Variants in STYXL2 observed in about 807,000 individuals in gnomAD.
STYXL2 encodes the protein serine/threonine/tyrosine interacting like 2, also known as serine/threonine/tyrosine-interacting-like protein 2.
A neutral mutation model predicts 52.4 loss-of-function variants in STYXL2; 44 were observed. That is an observed-to-expected ratio of 0.84 (90% CI 0.66 to 1.08). The LOEUF (loss-of-function observed/expected upper bound fraction) is 1.08, where lower values mean the gene tolerates loss of function less well. Ranked by LOEUF, STYXL2 falls within the 50% of genes least tolerant of loss-of-function variation. The pLI, the probability that STYXL2 is intolerant of heterozygous loss-of-function variation, is 0.00. For missense variants in STYXL2, 1,604 were observed against 1,471.7 expected (o/e 1.09, Z -1.47); for synonymous variants, 604 against 586.9 (o/e 1.03, Z -0.42).
chr1:167,094,940 C>T lies in STYXL2; in HGVS notation c.91C>T (p.Arg31Ter), dbSNP rs377245710. ...GAGGGCGGTGCAGGCCCACTACCTC[C>T]GAAGCCCCTCCCCTAGCCAGTAAGT... ...NVRAVQAHYL[R>*]SPSPSQYSMV... The change falls in exon 2 of 6, where the codon CGA (arginine) becomes TGA (stop). Residue 31 changes from arginine to a stop codon, truncating the protein, a stop_gained. Transcript: ENST00000361200. LOFTEE classifies it high-confidence loss of function. The T allele has an allele frequency of 1.2e-5, 20 of 1,606,336 alleles. No homozygotes were observed. The East Asian group carries it at 2.0e-4, about 16-fold the overall frequency.
At chr1:167,106,035 A>T (rs1667501981) in intron 2 of STYXL2, among the ~76,000 whole-genome samples, 1 of 152,226 alleles carries the variant, frequency 6.6e-6, no homozygotes. Context: ...TTAGAAGGAA[A>T]GATGTTTCAC....
chr1:167,113,870 C>T (rs1423171987), intron 3 of STYXL2, 66 bp downstream of exon 3: 9 of 1,262,790 alleles, frequency 7.1e-6, no homozygotes, highest in Admixed American at 1.7e-5. Context: ...TAGAGGGGGG[C>T]CATTGGAAGA....
At chr1:167,118,550 C>T (rs1487087512) in intron 4 of STYXL2, among the ~76,000 whole-genome samples, 4 of 152,260 alleles carry the variant, frequency 2.6e-5, no homozygotes, top group Middle Eastern at 3.4e-3. Flanking sequence ...ATTCATCTTA[C>T]GGTCACTAAG....
At chr1:167,102,490 T>C (rs1228154110) in intron 2 of STYXL2, among the ~76,000 whole-genome samples, 1 of 151,852 alleles carries the variant, frequency 6.6e-6, no homozygotes, top group South Asian at 2.1e-4. Context: ...TACCCAGGAG[T>C]AGAGAATAAA....
chr1:167,120,951 C>A (rs1343489168), intron 5 of STYXL2, among the ~76,000 whole-genome samples: 1 of 149,712 alleles, frequency 6.7e-6, no homozygotes. Flanking sequence ...CATATATACA[C>A]ACATACACAC....
chr1:167,115,122 T>A (rs1667699338), intron 3 of STYXL2, among the ~76,000 whole-genome samples: 1 of 152,228 alleles, frequency 6.6e-6, no homozygotes. Flanking sequence ...GGACATTCAG[T>A]CTAGTTTGAA....
At position 167,119,421 on chromosome 1, in the gene STYXL2, C is replaced by T. The variant is rs745808283; in HGVS notation, c.610C>T (p.Arg204Trp). ...TGAGGTGGACATTTCCCAGCATTTCCGGAAGGCGTCTGAGTTCCTGGATGA... is the reference window on the plus strand; with the variant it reads ...TGAGGTGGACATTTCCCAGCATTTCTGGAAGGCGTCTGAGTTCCTGGATGA... ...FPEVDISQHF[R>W]KASEFLDEAL... The change falls in exon 5 of 6, where the codon CGG (arginine) becomes TGG (tryptophan). Residue 204 changes from arginine (R) to tryptophan (W), a missense_variant. By Grantham distance (101) the Arg-to-Trp change is moderately radical. Coordinates refer to ENST00000361200, the MANE Select transcript of STYXL2 (RefSeq NM_001080426.3). The T allele has an allele frequency of 4.1e-5, 66 of 1,614,040 alleles. No homozygotes were observed. Among genetic ancestry groups the T allele is most frequent in the Admixed American group, 2.0e-4 (12 of 60,000 alleles).
intron 5 of STYXL2, among the ~76,000 whole-genome samples, 156 bp from the exon 6 acceptor site, chr1:167,125,631 C>A (rs1023470245): frequency 6.8e-6 from 1 of 146,084 alleles, no homozygotes; most frequent in African/African-American, 2.6e-5. Context: ...TGATGCTCAG[C>A]CCTCCTGTGT....
intron 2 of STYXL2, among the ~76,000 whole-genome samples, chr1:167,097,627 GA>G (rs1165737256): frequency 6.7e-6 from 1 of 149,446 alleles, no homozygotes; most frequent in Non-Finnish European, 1.5e-5. Flanking sequence ...TCTAAAAGGA[GA>G]AAAGAAAGTA....
At chr1:167,098,003 C>CTTTTT (rs35037292) in intron 2 of STYXL2, among the ~76,000 whole-genome samples, 5 of 96,600 alleles carry the variant, frequency 5.2e-5, no homozygotes, top group African/African-American at 8.7e-5. Context: ...TCTCTACAAA[C>CTTTTT]TTTTTTTTTT....
intron 2 of STYXL2, among the ~76,000 whole-genome samples, chr1:167,108,094 G>A (rs1393514686): frequency 2.6e-5 from 4 of 152,138 alleles, no homozygotes; most frequent in Non-Finnish European, 5.9e-5. Flanking sequence ...GAGACTACAG[G>A]CCCTTGGAAA....
intron 2 of STYXL2, among the ~76,000 whole-genome samples, chr1:167,102,353 A>G (rs894110519): frequency 6.6e-6 from 1 of 151,944 alleles, no homozygotes; most frequent in African/African-American, 2.4e-5. Context: ...AGGAGGCAGT[A>G]TGATACTGTG....
At position 167,126,420 on chromosome 1, in the gene STYXL2, GGCGGCGCAC is replaced by G; in HGVS notation, c.1290_1298del (p.Arg431_Thr433del). The G allele has an allele frequency of 6.4e-7, 1 of 1,561,742 alleles. No homozygotes were observed. Among genetic ancestry groups the G allele is most frequent in the Non-Finnish European group, 8.7e-7 (1 of 1,153,572 alleles). On this transcript the variant is annotated inframe_deletion, in exon 6 of 6. Transcript: ENST00000361200. ...GACGCTGGCTCCTCGGTGGGGAGGCGGCGGCGCACCCTGAGCGAGAGCAGCGCCTGGGAG... is the reference window on the plus strand; with the variant it reads ...GACGCTGGCTCCTCGGTGGGGAGGCGCCTGAGCGAGAGCAGCGCCTGGGAG...
At chr1:167,117,664 C>A (rs995102513) in intron 4 of STYXL2, 105 bp downstream of exon 4, 2 of 1,044,544 alleles carry the variant, frequency 1.9e-6, no homozygotes, top group Non-Finnish European at 2.8e-6. Context: ...TAGGTCCATC[C>A]AGCACAATGA....
chr1:167,117,759 C>T (rs1261654947), intron 4 of STYXL2, among the ~76,000 whole-genome samples, 200 bp downstream of exon 4: 1 of 152,216 alleles, frequency 6.6e-6, no homozygotes, highest in South Asian at 2.1e-4. Flanking sequence ...CAAGATGCCG[C>T]CATGACTGCT....
At chr1:167,116,168 G>T (rs774103522) in intron 3 of STYXL2, among the ~76,000 whole-genome samples, 1 of 152,142 alleles carries the variant, frequency 6.6e-6, no homozygotes, top group African/African-American at 2.4e-5. Context: ...TGAGAGGAAC[G>T]ATTTTGTTCT....
At chr1:167,111,375 C>T (rs553946315) in intron 2 of STYXL2, among the ~76,000 whole-genome samples, 228 of 150,826 alleles carry the variant, frequency 1.5e-3, no homozygotes, top group African/African-American at 5.3e-3. Flanking sequence ...AATACTTGCA[C>T]GCATATGTTT....
Position 167,126,177 on chromosome 1 carries a change from A to C in STYXL2, c.1046A>C (p.Lys349Thr). 2.0e-6 allele frequency: 3 copies of C among 1,517,160 alleles called. No individual in the cohort carries two copies. The highest frequency in any genetic ancestry group is 2.6e-6 in the Non-Finnish European group (3 of 1,135,550). 94.0% of individuals were successfully genotyped at this position (1,517,160 alleles called of 1,614,324 possible). Residue 349 changes from lysine (K) to threonine (T), a missense_variant, in exon 6 of 6, where the codon AAA (lysine) becomes ACA (threonine). Coordinates refer to ENST00000361200, the MANE Select transcript of STYXL2 (RefSeq NM_001080426.3). Reference sequence around the variant, plus strand: ...CTCATAGACGAGGAGGAGGAGGAGAAACTGTACGAGCAGTGGAAGAAGGGG... The same window carrying C: ...CTCATAGACGAGGAGGAGGAGGAGACACTGTACGAGCAGTGGAAGAAGGGG... ...LTLIDEEEEE[K>T]LYEQWKKGQG...
intron 3 of STYXL2, among the ~76,000 whole-genome samples, chr1:167,115,100 A>G (rs551783978): frequency 6.6e-6 from 1 of 152,356 alleles, no homozygotes; most frequent in Admixed American, 6.5e-5. Context: ...TTTCAAGTCT[A>G]TAGAATGCTA....
Sources: allele counts gnomAD v4.1 joint callset (sites outside exome capture counted in the v4.1 genomes callset), GRCh38; gene constraint gnomAD v4.1.1; transcripts MANE v1.5; gene names NCBI Gene and HGNC (gene_info 2026-07-23, HGNC 2026-07-21).